CNTNAP2: variants seen among roughly 807,000 people sequenced by gnomAD.
The protein encoded by CNTNAP2 is contactin associated protein 2, also known as contactin-associated protein-like 2.
CNTNAP2 carries 98 observed loss-of-function variants against 155.2 expected under a neutral mutation model. The observed-to-expected ratio is 0.63, with a 90% CI of 0.54 to 0.75. CNTNAP2 has a LOEUF of 0.75. Among genes scored for constraint, CNTNAP2 ranks in the 30% least tolerant of loss-of-function variants. The pLI is 0.00. For synonymous variants in CNTNAP2, 651 were observed against 631.2 expected (o/e 1.03, Z -0.47); for missense variants, 1,727 against 1,688.1 (o/e 1.02, Z -0.40).
chr7:147,564,512 T>A (rs1180658161), intron 12 of CNTNAP2, among the ~76,000 whole-genome samples: 1 of 152,172 alleles, frequency 6.6e-6, no homozygotes, highest in East Asian at 1.9e-4. Flanking sequence ...ACAATTAAAG[T>A]CTATTCTTAA....
chr7:147,651,894 T>C (rs192829059), intron 13 of CNTNAP2, among the ~76,000 whole-genome samples: 2 of 152,322 alleles, frequency 1.3e-5, no homozygotes, highest in African/African-American at 4.8e-5. Context: ...ATCCTCTTTC[T>C]ACAACCTTCG....
In CNTNAP2 at chr7:147,751,010, A is replaced by C. The variant is rs553152571; in HGVS notation, c.2098+111704A>C. On this transcript the variant is annotated intron_variant, in intron 13 of 23. Coordinates refer to ENST00000361727, the MANE Select transcript of CNTNAP2 (RefSeq NM_014141.6). Reference sequence around the variant, plus strand: ...AGCCGAGATCGCACCACTGCACTCCAGCCCGGGGGACACAGCGAGACTCCG... The same window carrying C: ...AGCCGAGATCGCACCACTGCACTCCCGCCCGGGGGACACAGCGAGACTCCG... Among the ~76,000 whole-genome samples, 29 of 152,288 alleles carry C rather than the reference A, an allele frequency of 1.9e-4. No individual in the cohort carries two copies. In the East Asian group the frequency reaches 5.4e-3, roughly 28 times the overall value.
chr7:146,721,145 T>A (rs1328390945), intron 1 of CNTNAP2, among the ~76,000 whole-genome samples: 2 of 132,450 alleles, frequency 1.5e-5, no homozygotes, highest in East Asian at 2.2e-4. Flanking sequence ...ATTCTCTTTA[T>A]ATATTCTATA....
At chr7:146,235,653 G>A (rs531705529) in intron 1 of CNTNAP2, among the ~76,000 whole-genome samples, 8 of 151,964 alleles carry the variant, frequency 5.3e-5, no homozygotes, top group Non-Finnish European at 1.2e-4. Flanking sequence ...GATCTCTCTT[G>A]TACTTCCAGC....
chr7:146,524,767 T>C (rs1480510901), intron 1 of CNTNAP2, among the ~76,000 whole-genome samples: 1 of 152,100 alleles, frequency 6.6e-6, no homozygotes, highest in Non-Finnish European at 1.5e-5. Context: ...AAAATGTATG[T>C]AATTATGACA....
At chr7:147,456,795 T>C (rs979160229) in intron 10 of CNTNAP2, among the ~76,000 whole-genome samples, 8 of 152,152 alleles carry the variant, frequency 5.3e-5, no homozygotes, top group Non-Finnish European at 1.0e-4. Context: ...GACGGGATAA[T>C]AGGAGACATT....
chr7:146,344,507 T>G (rs1360256709), intron 1 of CNTNAP2, among the ~76,000 whole-genome samples: 14 of 151,786 alleles, frequency 9.2e-5, no homozygotes, highest in Admixed American at 8.5e-4. Context: ...TGAGACACAG[T>G]CTCACTTTGT....
intron 21 of CNTNAP2, among the ~76,000 whole-genome samples, chr7:148,304,905 A>G (rs1219813654): frequency 6.6e-6 from 1 of 152,022 alleles, no homozygotes; most frequent in Non-Finnish European, 1.5e-5. Flanking sequence ...GCTTTTCATA[A>G]CTGAACCATA....
chr7:148,070,659 A>G (rs1011591835), intron 15 of CNTNAP2, among the ~76,000 whole-genome samples: 7 of 151,972 alleles, frequency 4.6e-5, no homozygotes, highest in African/African-American at 1.7e-4. Context: ...CAAAGGTTGC[A>G]GTGAGCCGAG....
At chr7:148,077,975 G>C (rs1803524565) in intron 15 of CNTNAP2, among the ~76,000 whole-genome samples, 1 of 150,862 alleles carries the variant, frequency 6.6e-6, no homozygotes, top group South Asian at 2.1e-4. Context: ...ACTATAATTG[G>C]ATTCAACTTT....
chr7:147,839,510 A>G (rs1399306331), intron 13 of CNTNAP2, among the ~76,000 whole-genome samples: 1 of 152,170 alleles, frequency 6.6e-6, no homozygotes. Flanking sequence ...AGTAGGAGAA[A>G]GTGAGTAAAG....
chr7:147,645,260 C>G (rs973635154), intron 13 of CNTNAP2, among the ~76,000 whole-genome samples: 1 of 152,068 alleles, frequency 6.6e-6, no homozygotes, highest in Non-Finnish European at 1.5e-5. Flanking sequence ...GCAAGAAATT[C>G]TAAACTTTGG....
At chr7:147,123,439 T>G (rs1225938487) in intron 6 of CNTNAP2, among the ~76,000 whole-genome samples, 1 of 152,278 alleles carries the variant, frequency 6.6e-6, no homozygotes, top group Non-Finnish European at 1.5e-5. Flanking sequence ...CAACACTTGC[T>G]ATATCGGATC....
intron 1 of CNTNAP2, among the ~76,000 whole-genome samples, chr7:146,150,959 G>A (rs1468391260): frequency 6.6e-6 from 1 of 152,060 alleles, no homozygotes; most frequent in African/African-American, 2.4e-5. Context: ...ATTGAGCATG[G>A]CTGAAGAGGC....
intron 8 of CNTNAP2, among the ~76,000 whole-genome samples, chr7:147,225,940 A>G (rs1803529650): frequency 6.6e-6 from 1 of 151,632 alleles, no homozygotes; most frequent in Admixed American, 6.6e-5. Context: ...GGAAAGAAGG[A>G]AGGAAAGGAA....
chr7:148,295,097 T>TA (rs1379464988), intron 21 of CNTNAP2, among the ~76,000 whole-genome samples: 2 of 152,158 alleles, frequency 1.3e-5, no homozygotes, highest in South Asian at 2.1e-4. Flanking sequence ...TTAATTCTTT[T>TA]AAAAATCCAT....
chr7:148,045,973 ATAAG>A (rs1802766881), intron 15 of CNTNAP2, among the ~76,000 whole-genome samples: 1 of 152,282 alleles, frequency 6.6e-6, no homozygotes, highest in African/African-American at 2.4e-5. Flanking sequence ...GTGAAAACAC[ATAAG>A]TAATTACATA....
intron 1 of CNTNAP2, among the ~76,000 whole-genome samples, chr7:146,674,953 A>G (rs920185443): frequency 2.0e-5 from 3 of 152,194 alleles, no homozygotes; most frequent in Admixed American, 6.5e-5. Flanking sequence ...GCCTTGCTGA[A>G]GACAGTTCAT....
intron 11 of CNTNAP2, among the ~76,000 whole-genome samples, chr7:147,541,232 A>G (rs955299892): frequency 3.9e-5 from 6 of 152,196 alleles, no homozygotes; most frequent in Non-Finnish European, 8.8e-5. Context: ...AGTATAATGC[A>G]GTGGCTAGGA....
Sources: gnomAD v4.1 joint callset for allele counts (sites outside exome capture counted in the v4.1 genomes callset) on GRCh38, gnomAD v4.1.1 for gene constraint, MANE v1.5 for transcripts, NCBI Gene and HGNC (gene_info 2026-07-23, HGNC 2026-07-21) for gene names.